Variants in PPM1H observed in about 807,000 individuals in gnomAD.
The protein encoded by PPM1H is protein phosphatase, Mg2+/Mn2+ dependent 1H, also known as protein phosphatase 1H.
PPM1H carries 27 observed loss-of-function variants against 54.9 expected under a neutral mutation model. The observed-to-expected ratio is 0.49, with a 90% CI of 0.36 to 0.68. PPM1H has a LOEUF of 0.68. Among genes scored for constraint, PPM1H ranks in the 30% least tolerant of loss-of-function variants. PPM1H has a pLI of 0.00. For missense variants in PPM1H, 596 were observed against 667.8 expected (o/e 0.89, Z 1.19); for synonymous variants, 305 against 270.8 (o/e 1.13, Z -1.24).
chr12:62,864,616 A>C (rs1565813352), intron 1 of PPM1H, among the ~76,000 whole-genome samples: 1 of 152,252 alleles, frequency 6.6e-6, no homozygotes, highest in African/African-American at 2.4e-5. Context: ...TTCATGCAGG[A>C]AAATTAGATT....
At chr12:62,714,294 G>A (rs1264197545) in intron 6 of PPM1H, among the ~76,000 whole-genome samples, 1 of 152,220 alleles carries the variant, frequency 6.6e-6, no homozygotes, top group Non-Finnish European at 1.5e-5. Context: ...AGAGCACAGA[G>A]AATGGAAATT....
chr12:62,721,975 C>T (rs532585633), intron 5 of PPM1H, among the ~76,000 whole-genome samples: 3 of 151,956 alleles, frequency 2.0e-5, no homozygotes, highest in South Asian at 4.2e-4. Context: ...TTGTGGGGCC[C>T]GGTGAAAAAC....
chr12:62,656,115 G>A lies in PPM1H; in HGVS notation c.1398-7479C>T, dbSNP rs139003319. 3.6e-4 allele frequency among the ~76,000 whole-genome samples: 55 copies of A among 152,326 alleles called. No homozygotes were observed. In the East Asian group the frequency reaches 6.9e-3, roughly 19 times the overall value. ...AGGCGGAAGGAGGCCATAAATCCTCGATTGTCCTCTTGTCCTTGCAGATTC... is the reference window on the plus strand; with the variant it reads ...AGGCGGAAGGAGGCCATAAATCCTCAATTGTCCTCTTGTCCTTGCAGATTC... On this transcript the variant is annotated intron_variant, in intron 9 of 9. Coordinates refer to ENST00000228705, the MANE Select transcript of PPM1H (RefSeq NM_020700.2).
intron 6 of PPM1H, among the ~76,000 whole-genome samples, chr12:62,712,636 G>T (rs935192671): frequency 2.0e-5 from 3 of 152,186 alleles, no homozygotes; most frequent in African/African-American, 2.4e-5. Flanking sequence ...TACTGAGTTT[G>T]AATTTTTCAA....
chr12:62,671,088 C>T lies in PPM1H; in HGVS notation c.1246-3759G>A, dbSNP rs146700132. On this transcript the variant is annotated intron_variant, in intron 8 of 9. Coordinates refer to ENST00000228705, the MANE Select transcript of PPM1H (RefSeq NM_020700.2). ...GAGTCCTGACCTTCCCTCCCTGAAGCTGTTGTTGGCCTTACTCAATCGAAC... is the reference window on the plus strand; with the variant it reads ...GAGTCCTGACCTTCCCTCCCTGAAGTTGTTGTTGGCCTTACTCAATCGAAC... Among the ~76,000 whole-genome samples the T allele has an allele frequency of 4.3e-4, 66 of 152,302 alleles. 2 individuals carry two copies. The East Asian group carries it at 0.012, about 28-fold the overall frequency.
intron 4 of PPM1H, among the ~76,000 whole-genome samples, chr12:62,742,943 C>T (rs1453359166): frequency 1.3e-5 from 2 of 152,092 alleles, no homozygotes; most frequent in Non-Finnish European, 2.9e-5. Context: ...ACATTAATTC[C>T]AGTAAAATCG....
rs2075788884 is a variant in PPM1H at position 62,646,928 on chromosome 12, G to A, written c.*1561C>T. ...CAAACAAATATGAGAACTGGAATTA[G>A]CTCTCTAGCATGCTGGGGGGGTCAC... On this transcript the variant is annotated 3_prime_UTR_variant, in exon 10 of 10. Coordinates refer to ENST00000228705, the MANE Select transcript of PPM1H (RefSeq NM_020700.2). 2 of 152,210 alleles carry A rather than the reference G, an allele frequency of 1.3e-5. No homozygotes were observed. The highest frequency in any genetic ancestry group is 4.8e-5 in the African/African-American group (2 of 41,442). The allele number at this position is 152,210 out of a possible 1,614,324, so 9.4% of individuals were successfully genotyped here. A position where few individuals can be genotyped will look rare whatever the true frequency, so the allele number is the denominator to read the frequency against.
At chr12:62,763,556 G>A (rs907023783) in intron 4 of PPM1H, among the ~76,000 whole-genome samples, 1 of 152,146 alleles carries the variant, frequency 6.6e-6, no homozygotes, top group African/African-American at 2.4e-5. Flanking sequence ...GCCAGTCCTC[G>A]GCTCATTTCT....
At position 62,658,177 on chromosome 12, in the gene PPM1H, G is replaced by A. The variant is rs1487415913; in HGVS notation, c.1397+9001C>T. Among the ~76,000 whole-genome samples, 10 of 123,582 alleles carry A rather than the reference G, an allele frequency of 8.1e-5. 1 individual carries two copies. Among genetic ancestry groups the A allele is most frequent in the Admixed American group, 6.4e-4 (8 of 12,538 alleles). 81.1% of individuals were successfully genotyped at this position (123,582 alleles called of 152,430 possible). ...TGCTTGAGACCAGCCTGGGTAACAC[G>A]GTGAATTTTTTTTTTTTTTTTTTTT... On this transcript the variant is annotated intron_variant, in intron 9 of 9. Transcript: ENST00000228705.
intron 9 of PPM1H, among the ~76,000 whole-genome samples, chr12:62,650,366 T>A (rs1214833235): frequency 1.3e-5 from 2 of 152,210 alleles, no homozygotes; most frequent in Non-Finnish European, 2.9e-5. Flanking sequence ...AGAATTATCA[T>A]CTTTGAGGCA....
chr12:62,794,501 C>T (rs1422741510), intron 3 of PPM1H, among the ~76,000 whole-genome samples: 1 of 152,010 alleles, frequency 6.6e-6, no homozygotes, highest in African/African-American at 2.4e-5. Context: ...AAAATATTGC[C>T]ATTTTCTTCC....
At chr12:62,849,418 T>C (rs1869096595) in intron 1 of PPM1H, among the ~76,000 whole-genome samples, 1 of 152,210 alleles carries the variant, frequency 6.6e-6, no homozygotes, top group Non-Finnish European at 1.5e-5. Flanking sequence ...GAAAGCTGAT[T>C]GACCTGGGGT....
intron 6 of PPM1H, among the ~76,000 whole-genome samples, chr12:62,703,975 CGTGTGTGT>C (rs4026211): frequency 0.054 from 7,943 of 145,832 alleles, 609 homozygotes; most frequent in African/African-American, 0.17. Flanking sequence ...AGAGAGAAAG[CGTGTGTGT>C]GTGTGTGTGT....
intron 2 of PPM1H, among the ~76,000 whole-genome samples, chr12:62,813,587 A>G (rs1216374040): frequency 6.6e-6 from 1 of 152,254 alleles, no homozygotes; most frequent in African/African-American, 2.4e-5. Flanking sequence ...CAACAGGTTA[A>G]AAAAATTTCT....
At chr12:62,768,190 C>T (rs886941838) in intron 4 of PPM1H, among the ~76,000 whole-genome samples, 1 of 152,100 alleles carries the variant, frequency 6.6e-6, no homozygotes, top group South Asian at 2.1e-4. Flanking sequence ...CACCAAAGGC[C>T]GAGGAAGGTT....
chr12:62,698,828 A>T (rs1263240042), intron 6 of PPM1H, among the ~76,000 whole-genome samples: 4 of 152,122 alleles, frequency 2.6e-5, no homozygotes, highest in African/African-American at 7.2e-5. Context: ...GTTTATAATG[A>T]CACACACAAT....
At chr12:62,888,811 C>T (rs767385741) in intron 1 of PPM1H, among the ~76,000 whole-genome samples, 4 of 152,080 alleles carry the variant, frequency 2.6e-5, no homozygotes, top group Non-Finnish European at 5.9e-5. Flanking sequence ...CATTTGATCC[C>T]CACAATTAAG....
At chr12:62,854,772 G>A (rs999101898) in intron 1 of PPM1H, among the ~76,000 whole-genome samples, 1 of 151,938 alleles carries the variant, frequency 6.6e-6, no homozygotes, top group Non-Finnish European at 1.5e-5. Flanking sequence ...ATCAGAAATA[G>A]GTAAATGTTT....
intron 1 of PPM1H, among the ~76,000 whole-genome samples, chr12:62,867,019 C>T (rs1332437758): frequency 2.6e-5 from 4 of 152,040 alleles, no homozygotes; most frequent in African/African-American, 9.7e-5. Context: ...TCAAGAAATA[C>T]CTCCAGTTCC....
Sources: allele counts gnomAD v4.1 joint callset (sites outside exome capture counted in the v4.1 genomes callset), GRCh38; gene constraint gnomAD v4.1.1; transcripts MANE v1.5; gene names NCBI Gene and HGNC (gene_info 2026-07-23, HGNC 2026-07-21).